The following TNKS variants were observed in gnomAD, a reference collection of about 807,000 sequenced individuals.
The protein encoded by TNKS is poly [ADP-ribose] polymerase tankyrase-1.
Under a neutral mutation model 135.8 loss-of-function variants are expected in TNKS, and 72 were observed. The observed-to-expected ratio is 0.53, with a 90% CI of 0.44 to 0.64. TNKS has a LOEUF of 0.64. Ranked by LOEUF, TNKS falls within the 30% of genes least tolerant of loss-of-function variation. TNKS has a pLI of 0.00. For missense variants in TNKS, 1,769 were observed against 1,674.0 expected, an observed-to-expected ratio of 1.06 and a Z score of -0.99; for synonymous variants, 849 against 649.3, an observed-to-expected ratio of 1.31 and a Z score of -4.68.
At position 9,576,476 on chromosome 8, in the gene TNKS, T is replaced by TC. The variant is rs1159783909; in HGVS notation, c.674-3683_674-3682insC. On this transcript the variant is annotated intron_variant, in intron 1 of 26. Transcript: ENST00000310430. ...TGCCACCACCCCCCTCTTTTTTTTT[T>TC]TTTTTTTTTTTTGAGATGGAGTCTG... 2.0e-5 allele frequency among the ~76,000 whole-genome samples: 3 copies of TC among 148,022 alleles called. No homozygotes were observed. In the East Asian group the frequency reaches 5.9e-4, roughly 29 times the overall value.
At chr8:9,617,183 A>G (rs993047308) in intron 3 of TNKS, among the ~76,000 whole-genome samples, 2 of 152,252 alleles carry the variant, frequency 1.3e-5, no homozygotes, top group African/African-American at 4.8e-5. Flanking sequence ...CTAATTTGTA[A>G]TGAATTTCAG....
In TNKS at chr8:9,730,884, C is replaced by T. The variant is rs762335535; in HGVS notation, c.2002-6C>T. 13 of 1,610,392 alleles carry T rather than the reference C, an allele frequency of 8.1e-6. No individual in the cohort carries two copies. The highest frequency in any genetic ancestry group is 1.6e-4 in the Middle Eastern group (1 of 6,074). On this transcript the variant is annotated splice_polypyrimidine_tract_variant and splice_region_variant and intron_variant, in intron 13 of 26. Coordinates refer to ENST00000310430, the MANE Select transcript of TNKS (RefSeq NM_003747.3). The stretch of plus-strand genomic sequence containing the variant: ...TGTGTTTGTCTTTGTGTGTGCACCA[C>T]GAAAGCAACTTTGCAGCTCTCAAAA...
intron 4 of TNKS, 87 bp downstream of exon 4, chr8:9,680,074 G>A (rs1464207577): frequency 1.5e-5 from 15 of 977,962 alleles, no homozygotes; most frequent in South Asian, 4.0e-5. Context: ...AAAATATAAC[G>A]TTATTGTCTT....
At chr8:9,612,874 T>C (rs12335065) in intron 2 of TNKS, among the ~76,000 whole-genome samples, 26,284 of 152,188 alleles carry the variant, frequency 0.17, 2,506 homozygotes, top group East Asian at 0.29. Flanking sequence ...ATATGTATTA[T>C]ATATTGTATT....
chr8:9,663,597 C>G (rs909575528), intron 3 of TNKS, among the ~76,000 whole-genome samples: 10 of 152,216 alleles, frequency 6.6e-5, no homozygotes, highest in African/African-American at 2.2e-4. Context: ...CTACACCCCA[C>G]TTTAGAGGCT....
chr8:9,708,490 C>A lies in TNKS; in HGVS notation c.1576C>A (p.Leu526Met). The A allele has an allele frequency of 6.3e-7, 1 of 1,593,938 alleles. No individual in the cohort carries two copies. Among genetic ancestry groups the A allele is most frequent in the Non-Finnish European group, 8.5e-7 (1 of 1,171,138 alleles). ...ACAACCGCAGTCTCATGAAACAGCA[C>A]TGGTAAGATTTTATTGTTAATCTAT... Reference protein sequence around the residue: ...FKQPQSHETALHCAVASLHPK... With the variant: ...FKQPQSHETAMHCAVASLHPK... Residue 526 changes from leucine (L) to methionine (M), a missense_variant and splice_region_variant, in exon 9 of 27, where the codon CTG (leucine) becomes ATG (methionine). Transcript: ENST00000310430.
chr8:9,627,031 A>G (rs532242002), intron 3 of TNKS, among the ~76,000 whole-genome samples: 34 of 152,288 alleles, frequency 2.2e-4, no homozygotes, highest in Non-Finnish European at 3.8e-4. Context: ...CAGCCCAACC[A>G]CTGAGGAAGG....
chr8:9,754,367 A>T (rs1413115857), intron 20 of TNKS, among the ~76,000 whole-genome samples: 1 of 152,182 alleles, frequency 6.6e-6, no homozygotes, highest in Non-Finnish European at 1.5e-5. Flanking sequence ...TCTTTATATG[A>T]CATAATTTTC....
intron 3 of TNKS, among the ~76,000 whole-genome samples, chr8:9,655,879 C>T (rs1801343058): frequency 6.6e-6 from 1 of 152,082 alleles, no homozygotes; most frequent in African/African-American, 2.4e-5. Flanking sequence ...AGCAACAGAA[C>T]AAAGCTGGAC....
At chr8:9,574,911 C>T (rs557684845) in intron 1 of TNKS, 1 of 418,928 alleles carries the variant, frequency 2.4e-6, no homozygotes, top group Non-Finnish European at 3.2e-6. Flanking sequence ...TGTCTGAGAA[C>T]CTAGATATGA....
intron 20 of TNKS, among the ~76,000 whole-genome samples, chr8:9,758,689 G>C (rs574363960): frequency 6.6e-6 from 1 of 152,282 alleles, no homozygotes; most frequent in South Asian, 2.1e-4. Context: ...GCAAGGGCTG[G>C]GACCCGCTTT....
At chr8:9,707,619 G>T (rs933509906) in intron 8 of TNKS, among the ~76,000 whole-genome samples, 2 of 152,110 alleles carry the variant, frequency 1.3e-5, no homozygotes, top group African/African-American at 4.8e-5. Flanking sequence ...ATATATACAT[G>T]CAAATGTTTT....
chr8:9,589,453 C>T (rs1462729922), intron 2 of TNKS, among the ~76,000 whole-genome samples: 1 of 152,230 alleles, frequency 6.6e-6, no homozygotes, highest in Non-Finnish European at 1.5e-5. Flanking sequence ...ACCAAGCCAG[C>T]TCCAAGAACT....
Position 9,747,904 on chromosome 8 carries a change from T to C in TNKS, c.2644-120T>C, listed in dbSNP as rs1489171616. ...TACTCTTTTTTTTAGAAGAAACTTCTGTTAAGGATGAAAATGGAGATACAG... is the reference window on the plus strand; with the variant it reads ...TACTCTTTTTTTTAGAAGAAACTTCCGTTAAGGATGAAAATGGAGATACAG... On this transcript the variant is annotated intron_variant, in intron 17 of 26. Coordinates refer to ENST00000310430, the MANE Select transcript of TNKS (RefSeq NM_003747.3). The C allele has an allele frequency of 4.2e-6, 4 of 958,616 alleles. No homozygotes were observed. The East Asian group carries it at 8.3e-5, about 20-fold the overall frequency. 59.4% of individuals were successfully genotyped at this position (958,616 alleles called of 1,614,324 possible). A position where few individuals can be genotyped will look rare whatever the true frequency, so the allele number is the denominator to read the frequency against.
rs764221734 is a variant in TNKS at position 9,751,814 on chromosome 8, G to A, written c.3038G>A (p.Gly1013Asp). 8.7e-6 allele frequency: 14 copies of A among 1,614,174 alleles called. No individual in the cohort carries two copies. The highest frequency in any genetic ancestry group is 1.2e-5 in the Non-Finnish European group (14 of 1,180,026). ...AVGGASNAGDGAAGTERKEGE... is the reference protein window; with the variant it reads ...AVGGASNAGDDAAGTERKEGE... Reference sequence around the variant, plus strand: ...GGAGGAGCCTCCAATGCAGGGGATGGCGCCGCGGGAACAGAAAGGAAGGAA... The same window carrying A: ...GGAGGAGCCTCCAATGCAGGGGATGACGCCGCGGGAACAGAAAGGAAGGAA... The change falls in exon 19 of 27, where the codon GGC becomes GAC. Residue 1013 changes from glycine to aspartate, a missense_variant. This residue lies in a region of TNKS where 722 missense variants were observed against 688.9 expected (regional missense o/e 1.05). Coordinates refer to ENST00000310430, the MANE Select transcript of TNKS (RefSeq NM_003747.3).
At chr8:9,568,724 A>G (rs966641874) in intron 1 of TNKS, among the ~76,000 whole-genome samples, 1 of 152,174 alleles carries the variant, frequency 6.6e-6, no homozygotes, top group Non-Finnish European at 1.5e-5. Context: ...TATGAAGAAA[A>G]TCCTTCTTCA....
At chr8:9,594,585 C>A (rs2128755934) in intron 2 of TNKS, among the ~76,000 whole-genome samples, 1 of 152,186 alleles carries the variant, frequency 6.6e-6, no homozygotes, top group South Asian at 2.1e-4. Context: ...GATCATTCCA[C>A]CATATTATTT....
chr8:9,701,911 G>A (rs1479232904), intron 5 of TNKS, among the ~76,000 whole-genome samples: 1 of 152,156 alleles, frequency 6.6e-6, no homozygotes, highest in Non-Finnish European at 1.5e-5. Context: ...GACTGCTTGA[G>A]GCTAGTAAAA....
chr8:9,631,050 A>T (rs1397948774), intron 3 of TNKS, among the ~76,000 whole-genome samples: 1 of 152,240 alleles, frequency 6.6e-6, no homozygotes, highest in Non-Finnish European at 1.5e-5. Flanking sequence ...AAACAAAACA[A>T]GTCTCAATTC....
Sources: gnomAD v4.1 joint callset for allele counts (sites outside exome capture counted in the v4.1 genomes callset) on GRCh38, gnomAD v4.1.1 for gene constraint, gnomAD v4.1.1 regional missense constraint, MANE v1.5 for transcripts, NCBI Gene and HGNC (gene_info 2026-07-23, HGNC 2026-07-21) for gene names.